MACROD2: variants seen among roughly 807,000 people sequenced by gnomAD.
The protein encoded by MACROD2 is mono-ADP ribosylhydrolase 2, also known as ADP-ribose glycohydrolase MACROD2.
A neutral mutation model predicts 70.4 loss-of-function variants in MACROD2; 36 were observed. That is an observed-to-expected ratio of 0.51 (90% CI 0.39 to 0.68). The LOEUF (loss-of-function observed/expected upper bound fraction) is 0.68, where lower values mean the gene tolerates loss of function less well. MACROD2 is among the 30% of genes least tolerant of loss of function. MACROD2 has a pLI of 0.00. For synonymous variants in MACROD2, 172 were observed against 178.8 expected (o/e 0.96, Z 0.30); for missense variants, 496 against 538.4 (o/e 0.92, Z 0.78).
At chr20:15,059,180 C>T (rs191006923) in intron 5 of MACROD2, among the ~76,000 whole-genome samples, 260 of 152,136 alleles carry the variant, frequency 1.7e-3, no homozygotes, top group African/African-American at 6.1e-3. Context: ...GGCGGATCAC[C>T]TGAGGTCAGT....
At position 14,655,319 on chromosome 20, in the gene MACROD2, C is replaced by CTGTGTGTGTGTG. The variant is rs11470954; in HGVS notation, c.302-29496_302-29485dup. Among the ~76,000 whole-genome samples, 949 of 141,674 alleles carry CTGTGTGTGTGTG rather than the reference C, an allele frequency of 6.7e-3. 16 individuals are homozygous for CTGTGTGTGTGTG. Among genetic ancestry groups the CTGTGTGTGTGTG allele is most frequent in the African/African-American group, 0.022 (827 of 37,460 alleles). The allele number at this position is 141,674 out of a possible 152,430, so 92.9% of individuals were successfully genotyped here. A position where few individuals can be genotyped will look rare whatever the true frequency, so the allele number is the denominator to read the frequency against. On this transcript the variant is annotated intron_variant, in intron 4 of 17. Transcript: ENST00000684519. ...CTTATATATAAATCCAAAGTGGACA[C>CTGTGTGTGTGTG]TGTGTGTGTGTGTGTGTGTGTGTGT...
chr20:15,411,827 A>G (rs1030466797), intron 6 of MACROD2, among the ~76,000 whole-genome samples: 3 of 152,206 alleles, frequency 2.0e-5, no homozygotes, highest in African/African-American at 7.2e-5. Flanking sequence ...AGGAAGCTGA[A>G]GCCCAGGATT....
At chr20:15,234,036 TTTTTTTTTTTTTTG>T in intron 6 of MACROD2, among the ~76,000 whole-genome samples, 1 of 41,336 alleles carries the variant, frequency 2.4e-5, no homozygotes, top group African/African-American at 1.1e-4. Context: ...TTTTTTTTTT[TTTTTTTTTTTTTTG>T]AGACGGAGTC....
At chr20:16,030,192 A>G (rs550517315) in intron 15 of MACROD2, among the ~76,000 whole-genome samples, 40 of 152,202 alleles carry the variant, frequency 2.6e-4, no homozygotes, top group Non-Finnish European at 5.6e-4. Context: ...AGCCCCAAAG[A>G]TATCCCCCAC....
At chr20:15,960,957 G>A (rs545659964) in intron 12 of MACROD2, among the ~76,000 whole-genome samples, 1 of 152,250 alleles carries the variant, frequency 6.6e-6, no homozygotes, top group South Asian at 2.1e-4. Flanking sequence ...TAGTTGGGAA[G>A]GAGTAACAGA....
Position 14,443,670 on chromosome 20 carries a change from C to T in MACROD2, c.272-49809C>T, listed in dbSNP as rs565303706. On this transcript the variant is annotated intron_variant, in intron 3 of 17. Transcript: ENST00000684519. ...TTATGGGGAAAATGTCAAATTGATTCAGTTAAAATAGAAGAAATATTAGTG... is the reference window on the plus strand; with the variant it reads ...TTATGGGGAAAATGTCAAATTGATTTAGTTAAAATAGAAGAAATATTAGTG... 6.1e-4 allele frequency among the ~76,000 whole-genome samples: 93 copies of T among 152,176 alleles called. 1 individual carries two copies. Among genetic ancestry groups the T allele is most frequent in the African/African-American group, 2.1e-3 (89 of 41,468 alleles).
intron 7 of MACROD2, among the ~76,000 whole-genome samples, chr20:15,467,845 C>A (rs116690957): frequency 0.01 from 1,526 of 152,264 alleles, 23 homozygotes; most frequent in African/African-American, 0.035. Flanking sequence ...AGAGGAGGCC[C>A]TCTGAGAACA....
intron 5 of MACROD2, among the ~76,000 whole-genome samples, chr20:14,784,606 C>A (rs905843046): frequency 7.4e-6 from 1 of 135,420 alleles, no homozygotes; most frequent in African/African-American, 2.7e-5. Context: ...TTGATAAATG[C>A]TTGTTGAATT....
chr20:14,846,096 T>C (rs2073137402), intron 5 of MACROD2, among the ~76,000 whole-genome samples: 1 of 152,182 alleles, frequency 6.6e-6, no homozygotes, highest in Non-Finnish European at 1.5e-5. Context: ...AAAAAAAGTA[T>C]TTCTGATGTA....
intron 5 of MACROD2, among the ~76,000 whole-genome samples, chr20:14,825,890 A>T (rs1432634265): frequency 6.6e-6 from 1 of 152,150 alleles, no homozygotes; most frequent in Non-Finnish European, 1.5e-5. Flanking sequence ...TGCACAAAAG[A>T]TCGCCCTCCC....
At chr20:14,241,951 C>T (rs149924125) in intron 3 of MACROD2, among the ~76,000 whole-genome samples, 1 of 151,962 alleles carries the variant, frequency 6.6e-6, no homozygotes, top group Admixed American at 6.6e-5. Flanking sequence ...TGTCATAAAC[C>T]TTATGATTAA....
At chr20:15,552,511 T>C (rs1201017195) in intron 8 of MACROD2, 1 of 152,256 alleles carries the variant, frequency 6.6e-6, no homozygotes, top group Non-Finnish European at 1.5e-5. Context: ...TGCATGGCAG[T>C]TGATAAGGAT....
At chr20:14,359,390 T>C (rs1427938711) in intron 3 of MACROD2, among the ~76,000 whole-genome samples, 1 of 152,088 alleles carries the variant, frequency 6.6e-6, no homozygotes, top group Non-Finnish European at 1.5e-5. Context: ...AGTACAGCCA[T>C]TATGGAAAAC....
At chr20:15,072,678 C>G (rs1468007564) in intron 5 of MACROD2, among the ~76,000 whole-genome samples, 3 of 152,130 alleles carry the variant, frequency 2.0e-5, no homozygotes, top group Non-Finnish European at 4.4e-5. Context: ...AGCCATCCTG[C>G]TATATAATCT....
chr20:15,412,571 G>A (rs1160070264), intron 6 of MACROD2, among the ~76,000 whole-genome samples: 3 of 152,136 alleles, frequency 2.0e-5, no homozygotes, highest in Non-Finnish European at 2.9e-5. Flanking sequence ...TGGAGACTCC[G>A]TAGATCCAGA....
At chr20:15,336,625 A>G (rs1362832355) in intron 6 of MACROD2, among the ~76,000 whole-genome samples, 1 of 73,274 alleles carries the variant, frequency 1.4e-5, no homozygotes, top group Non-Finnish European at 2.6e-5. Flanking sequence ...ATTCAGTTAC[A>G]TTTCAAAAGT....
intron 4 of MACROD2, among the ~76,000 whole-genome samples, chr20:14,647,588 A>C (rs1203711131): frequency 2.6e-5 from 4 of 151,994 alleles, no homozygotes; most frequent in African/African-American, 7.2e-5. Flanking sequence ...CACTGTACTA[A>C]GTTCTCATTG....
chr20:15,391,990 G>A (rs1350995584), intron 6 of MACROD2, among the ~76,000 whole-genome samples: 1 of 152,172 alleles, frequency 6.6e-6, no homozygotes, highest in African/African-American at 2.4e-5. Flanking sequence ...TAGGTCAAGG[G>A]TGCTTTGTTG....
intron 5 of MACROD2, among the ~76,000 whole-genome samples, chr20:15,105,039 A>G (rs775197939): frequency 1.3e-5 from 2 of 152,208 alleles, no homozygotes; most frequent in African/African-American, 2.4e-5. Flanking sequence ...GAATTGTCCA[A>G]GTAAACTGAA....
Sources: gnomAD v4.1 joint callset for allele counts (sites outside exome capture counted in the v4.1 genomes callset) on GRCh38, gnomAD v4.1.1 for gene constraint, MANE v1.5 for transcripts, NCBI Gene and HGNC (gene_info 2026-07-23, HGNC 2026-07-21) for gene names.